The following CASR variants were observed in gnomAD, a reference collection of about 807,000 sequenced individuals.
CASR encodes extracellular calcium-sensing receptor.
In CASR, 23 loss-of-function variants were observed where a neutral mutation model predicts 69.1. The observed-to-expected ratio is 0.33, with a 90% CI of 0.24 to 0.47. The LOEUF is 0.47. Ranked by LOEUF, CASR falls within the 20% of genes least tolerant of loss-of-function variation. CASR has a pLI of 1.00. For missense variants in CASR, 924 were observed against 1,356.1 expected, an observed-to-expected ratio of 0.68 and a Z score of 5.00; for synonymous variants, 541 against 544.7, an observed-to-expected ratio of 0.99 and a Z score of 0.10.
intron 4 of CASR, among the ~76,000 whole-genome samples, chr3:122,265,232 C>T (rs1221290339): frequency 1.3e-5 from 2 of 152,214 alleles, no homozygotes; most frequent in Admixed American, 6.5e-5. Context: ...CTTTAATTGA[C>T]TGAAATAGAC....
intron 1 of CASR, among the ~76,000 whole-genome samples, chr3:122,238,439 G>C (rs771638534): frequency 1.6e-4 from 25 of 152,200 alleles, no homozygotes; most frequent in African/African-American, 2.4e-5. Flanking sequence ...TCACCACCAC[G>C]TGTTAAAGTG....
At chr3:122,201,057 T>G (rs1287825721) in intron 1 of CASR, among the ~76,000 whole-genome samples, 1 of 150,878 alleles carries the variant, frequency 6.6e-6, no homozygotes, top group African/African-American at 2.4e-5. Flanking sequence ...GAGGGGGATT[T>G]GGCAGGGTCA....
rs777094454 is a variant in CASR at position 122,212,830 on chromosome 3, C to T, written c.-243+29018C>T. 2.8e-4 allele frequency among the ~76,000 whole-genome samples: 43 copies of T among 151,946 alleles called. 2 individuals are homozygous for T. The highest frequency in any genetic ancestry group is 6.2e-4 in the South Asian group (3 of 4,826). On this transcript the variant is annotated intron_variant, in intron 1 of 6. Transcript: ENST00000639785. ...CTAATTTTTGTATTTTTAGTAGAGA[C>T]GGGGTTTCTCCATGTTGGTCAGGCT... is the stretch of plus-strand genomic sequence containing the variant.
At chr3:122,249,398 T>G (rs981267805) in intron 1 of CASR, among the ~76,000 whole-genome samples, 1 of 152,372 alleles carries the variant, frequency 6.6e-6, no homozygotes, top group African/African-American at 2.4e-5. Context: ...TTCAACTTTC[T>G]TTCCCTAGTG....
At chr3:122,210,093 G>A (rs911649025) in intron 1 of CASR, among the ~76,000 whole-genome samples, 66 of 152,180 alleles carry the variant, frequency 4.3e-4, no homozygotes, top group African/African-American at 1.3e-3. Context: ...TACCTCAAAA[G>A]AATAAGAGCT....
chr3:122,268,351 C>T (rs569124723), intron 4 of CASR, among the ~76,000 whole-genome samples: 2 of 152,268 alleles, frequency 1.3e-5, no homozygotes, highest in African/African-American at 4.8e-5. Context: ...ATATATCTAG[C>T]TAGTAAAAAA....
intron 3 of CASR, among the ~76,000 whole-genome samples, chr3:122,259,878 T>G (rs1399396279): frequency 1.3e-5 from 2 of 152,144 alleles, no homozygotes; most frequent in Non-Finnish European, 2.9e-5. Flanking sequence ...ATATTGGACA[T>G]GGAAAATTAA....
chr3:122,271,056 A>T (rs1482618529), intron 4 of CASR, among the ~76,000 whole-genome samples: 1 of 152,006 alleles, frequency 6.6e-6, no homozygotes, highest in East Asian at 1.9e-4. Context: ...ATTTGTATTG[A>T]TTTTCTGCCT....
At chr3:122,269,109 A>G (rs933809257) in intron 4 of CASR, among the ~76,000 whole-genome samples, 1 of 152,248 alleles carries the variant, frequency 6.6e-6, no homozygotes, top group South Asian at 2.1e-4. Flanking sequence ...AAATATGCCT[A>G]AAAGAAGAAA....
chr3:122,186,489 T>C (rs1328266533), intron 1 of CASR, among the ~76,000 whole-genome samples: 1 of 152,220 alleles, frequency 6.6e-6, no homozygotes, highest in Non-Finnish European at 1.5e-5. Flanking sequence ...CATTCATCAT[T>C]CATCATTCAA....
At chr3:122,232,851 A>T (rs2107609560) in intron 1 of CASR, among the ~76,000 whole-genome samples, 1 of 152,310 alleles carries the variant, frequency 6.6e-6, no homozygotes, top group African/African-American at 2.4e-5. Context: ...GGGTGGTCCC[A>T]TAAGCTAGGC....
Position 122,241,326 on chromosome 3 carries a change from A to G in CASR, c.-242-12622A>G, listed in dbSNP as rs1055142261. Among the ~76,000 whole-genome samples the G allele has an allele frequency of 2.0e-5, 3 of 152,128 alleles. No individual in the cohort carries two copies. The South Asian group carries it at 6.2e-4, about 31-fold the overall frequency. ...AATGAGAGAAGACCCAAATAAATAA[A>G]ATCAGAGATGAAAAAGGAGACATTA... On this transcript the variant is annotated intron_variant, in intron 1 of 6. Transcript: ENST00000639785.
At chr3:122,223,147 A>G (rs2074188436) in intron 1 of CASR, among the ~76,000 whole-genome samples, 1 of 152,208 alleles carries the variant, frequency 6.6e-6, no homozygotes, top group Admixed American at 6.5e-5. Context: ...ACCTAACATC[A>G]CACCAAGAAG....
intron 4 of CASR, among the ~76,000 whole-genome samples, chr3:122,274,349 C>T (rs1435748007): frequency 6.6e-6 from 1 of 152,214 alleles, no homozygotes; most frequent in Admixed American, 6.5e-5. Flanking sequence ...CCAAGTGACT[C>T]CTCTCCTGTA....
intron 1 of CASR, among the ~76,000 whole-genome samples, chr3:122,215,386 A>G (rs1360687838): frequency 6.6e-6 from 1 of 152,250 alleles, no homozygotes; most frequent in Non-Finnish European, 1.5e-5. Context: ...GATGACAGCC[A>G]TCTATCTACA....
chr3:122,201,207 C>T (rs188163894), intron 1 of CASR, among the ~76,000 whole-genome samples: 29 of 152,158 alleles, frequency 1.9e-4, no homozygotes, highest in East Asian at 3.9e-4. Flanking sequence ...CGACTCCCAA[C>T]GAGCATGTTG....
intron 1 of CASR, among the ~76,000 whole-genome samples, chr3:122,234,261 T>C (rs1230695246): frequency 2.0e-5 from 3 of 152,226 alleles, no homozygotes; most frequent in African/African-American, 4.8e-5. Flanking sequence ...AATCTACCCT[T>C]GCAGCACAAA....
rs903108105 is a variant in CASR, at chr3:122,264,016, A to G, written c.1377+1604A>G. On this transcript the variant is annotated intron_variant, in intron 4 of 6. Coordinates refer to ENST00000639785, the MANE Select transcript of CASR (RefSeq NM_000388.4). Reference sequence around the variant, plus strand: ...AGGGTTGAAGGAAAAACAGGCTTCAAGGGGGAAACTTGGCAGTTCTACTCT... The same window carrying G: ...AGGGTTGAAGGAAAAACAGGCTTCAGGGGGGAAACTTGGCAGTTCTACTCT... 5.3e-5 allele frequency among the ~76,000 whole-genome samples: 8 copies of G among 152,138 alleles called. No homozygotes were observed. The East Asian group carries it at 9.7e-4, about 18-fold the overall frequency.
At position 122,256,370 on chromosome 3, in the gene CASR, A is replaced by T. The variant is rs576985558; in HGVS notation, c.186-711A>T. On this transcript the variant is annotated intron_variant, in intron 2 of 6. Coordinates refer to ENST00000639785, the MANE Select transcript of CASR (RefSeq NM_000388.4). ...TATGTTTTCCTGGTCCTTTTCTTGT[A>T]CATCTACATATTGCTTTTATTTAAG... Among the ~76,000 whole-genome samples, 6 of 152,326 alleles carry T rather than the reference A, an allele frequency of 3.9e-5. No individual in the cohort carries two copies. In the East Asian group the frequency reaches 1.2e-3, roughly 29 times the overall value.
Sources: gnomAD v4.1 joint callset for allele counts (sites outside exome capture counted in the v4.1 genomes callset) on GRCh38, gnomAD v4.1.1 for gene constraint, MANE v1.5 for transcripts, NCBI Gene and HGNC (gene_info 2026-07-23, HGNC 2026-07-21) for gene names.